FRMPD4: variants seen among roughly 807,000 people sequenced by gnomAD.
FRMPD4 encodes FERM and PDZ domain containing 4, also known as FERM and PDZ domain-containing protein 4.
In FRMPD4, 22 loss-of-function variants were observed where a neutral mutation model predicts 94.1. The ratio of observed to expected loss-of-function variants is 0.23; its 90% CI spans 0.17 to 0.33. FRMPD4 has a LOEUF of 0.33. Among genes scored for constraint, FRMPD4 ranks in the 10% least tolerant of loss-of-function variants. The pLI, the probability that FRMPD4 is intolerant of heterozygous loss-of-function variation, is 1.00. For synonymous variants in FRMPD4, 631 were observed against 548.6 expected (o/e 1.15, Z -2.10); for missense variants, 1,111 against 1,339.9 (o/e 0.83, Z 2.67).
chrX:12,157,944 G>A (rs948707451), intron 1 of FRMPD4, among the ~76,000 whole-genome samples: 1 of 112,124 alleles, frequency 8.9e-6, no homozygotes, highest in African/African-American at 3.2e-5. Flanking sequence ...AACTTACTGT[G>A]TATGTATTTG....
intron 1 of FRMPD4, among the ~76,000 whole-genome samples, chrX:12,375,717 G>C (rs1267379136): frequency 8.9e-6 from 1 of 112,204 alleles, no homozygotes; most frequent in African/African-American, 3.2e-5. Context: ...ACACTAGAAG[G>C]TCAAGGTCAT....
intron 1 of FRMPD4, among the ~76,000 whole-genome samples, chrX:12,367,486 G>A (rs969696648): frequency 8.9e-6 from 1 of 112,337 alleles, no homozygotes; most frequent in Non-Finnish European, 1.9e-5. Context: ...CCTAATTGCC[G>A]ATTTCCACTT....
At position 11,847,899 on chromosome X, in the gene FRMPD4, G is replaced by A. The variant is rs1166451468; in HGVS notation, c.-160-17187G>A. Among the ~76,000 whole-genome samples the A allele has an allele frequency of 4.0e-3, 283 of 70,449 alleles. 3 individuals are homozygous for A. The highest frequency in any genetic ancestry group is 6.2e-3 in the Non-Finnish European group (242 of 39,047). The allele number at this position is 70,449 out of a possible 115,157, so 61.2% of individuals were successfully genotyped here. A position where few individuals can be genotyped will look rare whatever the true frequency, so the allele number is the denominator to read the frequency against. On this transcript the variant is annotated intron_variant, in intron 1 of 18. Transcript: ENST00000640291. The stretch of plus-strand genomic sequence containing the variant: ...GACTGTTGTGGGGTCGGGGGAGGGG[G>A]GAGGGTTAGCGTTAGGAGATATACC...
intron 1 of FRMPD4, among the ~76,000 whole-genome samples, chrX:12,160,118 C>T (rs947302477): frequency 6.6e-5 from 7 of 106,627 alleles, no homozygotes; most frequent in Admixed American, 1.0e-4. Flanking sequence ...TGTGTGCGTG[C>T]GTGTATTCCT....
Position 12,675,377 on chromosome X carries a change from G to A in FRMPD4, c.468+469G>A, listed in dbSNP as rs552808869. Among the ~76,000 whole-genome samples, 24 of 104,122 alleles carry A rather than the reference G, an allele frequency of 2.3e-4. No individual in the cohort carries two copies. In the South Asian group the frequency reaches 0.012, roughly 53 times the overall value. 90.4% of individuals were successfully genotyped at this position (104,122 alleles called of 115,157 possible). ...TCAGAATTCGATTTCAGCTATCATG[G>A]TTAGGAGGGTGGAAAGTGATTTAAA... is the stretch of plus-strand genomic sequence containing the variant. On this transcript the variant is annotated intron_variant, in intron 5 of 16. Transcript: ENST00000675598.
chrX:12,253,222 C>T (rs1457242981), intron 1 of FRMPD4, among the ~76,000 whole-genome samples: 4 of 112,006 alleles, frequency 3.6e-5, no homozygotes, highest in Admixed American at 1.9e-4. Flanking sequence ...AGGAAAGTTA[C>T]GAAGCAAATC....
At chrX:12,610,936 C>T (rs1390904296) in intron 3 of FRMPD4, among the ~76,000 whole-genome samples, 1 of 111,358 alleles carries the variant, frequency 9.0e-6, no homozygotes, top group Non-Finnish European at 1.9e-5. Context: ...GACCCATAAG[C>T]ATGAGAAGAA....
intron 1 of FRMPD4, among the ~76,000 whole-genome samples, chrX:12,217,610 T>C (rs1348371522): frequency 8.9e-6 from 1 of 112,173 alleles, no homozygotes; most frequent in Non-Finnish European, 1.9e-5. Flanking sequence ...AAAATAATAT[T>C]TTGGTTATGT....
intron 13 of FRMPD4, chrX:12,708,993 G>A (rs962447218): frequency 8.8e-6 from 1 of 113,861 alleles, no homozygotes; most frequent in African/African-American, 3.2e-5. Flanking sequence ...TGAGCAAAGA[G>A]GCTGAGAGAA....
chrX:11,958,019 A>G (rs2054265654), intron 3 of FRMPD4, among the ~76,000 whole-genome samples: 1 of 112,133 alleles, frequency 8.9e-6, no homozygotes, highest in Non-Finnish European at 1.9e-5. Flanking sequence ...TATTATTTAA[A>G]AGAACCCCCA....
At position 12,265,799 on chromosome X, in the gene FRMPD4, G is replaced by T. The variant is rs757002607; in HGVS notation, c.41+126787G>T. On this transcript the variant is annotated intron_variant, in intron 1 of 16. Transcript: ENST00000675598. Reference sequence around the variant, plus strand: ...GAATTAGATGTTAATAGTCTATCCAGGAAGATAATTGAATTCTGAAATAGA... The same window carrying T: ...GAATTAGATGTTAATAGTCTATCCATGAAGATAATTGAATTCTGAAATAGA... Among the ~76,000 whole-genome samples the T allele has an allele frequency of 6.4e-5, 7 of 109,792 alleles. No individual in the cohort carries two copies. The East Asian group carries it at 2.0e-3, about 31-fold the overall frequency.
At chrX:11,922,577 A>G (rs899450145) in intron 3 of FRMPD4, among the ~76,000 whole-genome samples, 1 of 112,070 alleles carries the variant, frequency 8.9e-6, no homozygotes, top group African/African-American at 3.2e-5. Context: ...TGGAACCACA[A>G]AAGCTCCAGG....
chrX:12,081,211 G>A (rs748913839), intron 3 of FRMPD4, among the ~76,000 whole-genome samples: 2 of 111,792 alleles, frequency 1.8e-5, no homozygotes, highest in South Asian at 7.6e-4. Flanking sequence ...TATCTTGGTT[G>A]TAGATATAAC....
intron 3 of FRMPD4, among the ~76,000 whole-genome samples, chrX:11,983,417 A>T (rs2054407799): frequency 8.9e-6 from 1 of 111,934 alleles, no homozygotes; most frequent in African/African-American, 3.2e-5. Context: ...TTTTAGCAGA[A>T]TCCTGAGAGG....
chrX:12,384,138 T>C (rs1037979032), intron 1 of FRMPD4, among the ~76,000 whole-genome samples: 6 of 112,287 alleles, frequency 5.3e-5, no homozygotes, highest in Non-Finnish European at 7.5e-5. Flanking sequence ...CAATGTAGCA[T>C]TGAATGTAAC....
In FRMPD4 at chrX:12,321,510, A is replaced by G. The variant is rs188991208; in HGVS notation, c.42-177170A>G. Among the ~76,000 whole-genome samples, 181 of 112,320 alleles carry G rather than the reference A, an allele frequency of 1.6e-3. 1 individual carries two copies. Among genetic ancestry groups the G allele is most frequent in the Non-Finnish European group, 2.2e-3 (118 of 53,264 alleles). On this transcript the variant is annotated intron_variant, in intron 1 of 16. Coordinates refer to ENST00000675598, the MANE Select transcript of FRMPD4 (RefSeq NM_001368397.1). ...GGCTTTATGTTAGATGATGTTGCCCAACTGTAGGCTAATGTAAGTGTTGTG... is the reference window on the plus strand; with the variant it reads ...GGCTTTATGTTAGATGATGTTGCCCGACTGTAGGCTAATGTAAGTGTTGTG...
intron 5 of FRMPD4, among the ~76,000 whole-genome samples, chrX:12,680,223 T>G (rs1450929984): frequency 8.9e-6 from 1 of 112,085 alleles, no homozygotes; most frequent in African/African-American, 3.2e-5. Flanking sequence ...AGGGGTTGAT[T>G]AGGGGCCTGA....
intron 3 of FRMPD4, among the ~76,000 whole-genome samples, chrX:12,099,125 A>T (rs2055233187): frequency 9.5e-6 from 1 of 105,060 alleles, no homozygotes; most frequent in South Asian, 4.6e-4. Flanking sequence ...ATGCTAGATG[A>T]CGAGTTAGTG....
chrX:12,642,983 G>A (rs1258514495), intron 4 of FRMPD4, among the ~76,000 whole-genome samples: 2 of 111,909 alleles, frequency 1.8e-5, no homozygotes, highest in African/African-American at 6.5e-5. Flanking sequence ...TAGAGTAGTT[G>A]CAGCCAACTA....
Sources: allele counts gnomAD v4.1 joint callset (sites outside exome capture counted in the v4.1 genomes callset), GRCh38; gene constraint gnomAD v4.1.1; transcripts MANE v1.5; gene names NCBI Gene and HGNC (gene_info 2026-07-23, HGNC 2026-07-21).